ABCB1: variants seen among roughly 807,000 people sequenced by gnomAD.
The protein encoded by ABCB1 is ATP-dependent translocase ABCB1.
A neutral mutation model predicts 142.0 loss-of-function variants in ABCB1; 69 were observed. The ratio of observed to expected loss-of-function variants is 0.49; its 90% CI spans 0.40 to 0.59. The LOEUF (loss-of-function observed/expected upper bound fraction) is 0.59. ABCB1 is among the 20% of genes least tolerant of loss of function. ABCB1 has a pLI of 0.00. For missense variants in ABCB1, 1,326 were observed against 1,554.7 expected (o/e 0.85, Z 2.47); for synonymous variants, 532 against 539.2 (o/e 0.99, Z 0.18).
At chr7:87,573,210 T>C (rs1460357669) in intron 4 of ABCB1, among the ~76,000 whole-genome samples, 1 of 152,180 alleles carries the variant, frequency 6.6e-6, no homozygotes, top group African/African-American at 2.4e-5. Flanking sequence ...GGAACTCCCA[T>C]TAATAAAACC....
At chr7:87,653,576 T>C (rs541035354) in intron 1 of ABCB1, among the ~76,000 whole-genome samples, 25 of 152,294 alleles carry the variant, frequency 1.6e-4, no homozygotes, top group Middle Eastern at 3.4e-3. Context: ...CATCAAGTTA[T>C]TGGACAGGTT....
chr7:87,522,466 C>T, intron 21 of ABCB1: 1 of 552,880 alleles, frequency 1.8e-6, no homozygotes, highest in Non-Finnish European at 3.5e-6. Flanking sequence ...AGAGAAGTGA[C>T]AGGGAAGCTA....
intron 14 of ABCB1, among the ~76,000 whole-genome samples, chr7:87,548,765 GA>G (rs1311629130): frequency 6.6e-6 from 1 of 152,186 alleles, no homozygotes; most frequent in East Asian, 1.9e-4. Flanking sequence ...GCTATTTGGT[GA>G]ATGAGTCATA....
In ABCB1 at chr7:87,626,108, ATATGTGTCATATATATT is replaced by A. The variant is rs1820451407; in HGVS notation, c.-330-25047_-330-25031del. Among the ~76,000 whole-genome samples, 4 of 136,768 alleles carry A rather than the reference ATATGTGTCATATATATT, an allele frequency of 2.9e-5. No homozygotes were observed. The South Asian group carries it at 7.4e-4, about 25-fold the overall frequency. The allele number at this position is 136,768 out of a possible 152,430, so 89.7% of individuals were successfully genotyped here. The stretch of plus-strand genomic sequence containing the variant: ...TATATATATATATATATTGTCATAT[ATATGTGTCATATATATT>A]GTCATATATATGTGTCATATATATT... On this transcript the variant is annotated intron_variant, in intron 1 of 28. Coordinates refer to the ABCB1 transcript ENST00000265724.
intron 23 of ABCB1, among the ~76,000 whole-genome samples, chr7:87,518,052 C>CT (rs954690398): frequency 2.6e-5 from 4 of 152,110 alleles, no homozygotes; most frequent in Non-Finnish European, 5.9e-5. Context: ...TATTAATATG[C>CT]TTTTTTTAAA....
chr7:87,674,373 G>T (rs778496068), intron 1 of ABCB1, among the ~76,000 whole-genome samples: 1 of 152,136 alleles, frequency 6.6e-6, no homozygotes, highest in Non-Finnish European at 1.5e-5. Context: ...CAGGGGTGTG[G>T]TTGCTGGTAT....
intron 3 of ABCB1, among the ~76,000 whole-genome samples, chr7:87,590,157 C>CTAAT (rs1563066207): frequency 6.6e-6 from 1 of 152,140 alleles, no homozygotes; most frequent in Non-Finnish European, 1.5e-5. Flanking sequence ...CTAATAAGGT[C>CTAAT]AGGCTTGGTT....
intron 1 of ABCB1, among the ~76,000 whole-genome samples, chr7:87,691,026 G>A (rs985080142): frequency 3.9e-5 from 6 of 152,124 alleles, no homozygotes; most frequent in African/African-American, 1.2e-4. Flanking sequence ...TATCAATCAC[G>A]ATAGTGATTC....
chr7:87,584,634 G>A (rs1818655438), intron 4 of ABCB1, among the ~76,000 whole-genome samples: 1 of 152,128 alleles, frequency 6.6e-6, no homozygotes. Flanking sequence ...CTTGAGAGCT[G>A]TGTTACATCT....
chr7:87,696,194 A>G (rs995942163), intron 1 of ABCB1, among the ~76,000 whole-genome samples: 4 of 152,192 alleles, frequency 2.6e-5, no homozygotes, highest in Non-Finnish European at 5.9e-5. Flanking sequence ...TAATGACAGC[A>G]TATCTCATCT....
At chr7:87,660,527 G>A (rs778445431) in intron 1 of ABCB1, among the ~76,000 whole-genome samples, 6 of 151,844 alleles carry the variant, frequency 4.0e-5, no homozygotes, top group African/African-American at 9.7e-5. Flanking sequence ...TTTTATGATC[G>A]TTAGTTCCTT....
chr7:87,708,196 C>A (rs114653646), intron 1 of ABCB1, among the ~76,000 whole-genome samples: 3,796 of 151,898 alleles, frequency 0.025, 63 homozygotes, highest in Middle Eastern at 0.066. Flanking sequence ...GAAAATCAAC[C>A]AAACTAAAAG....
chr7:87,561,426 G>A (rs201805118), intron 7 of ABCB1, 39 bp from the exon 8 acceptor site: 10 of 1,563,448 alleles, frequency 6.4e-6, no homozygotes, highest in Middle Eastern at 1.7e-4. Flanking sequence ...AAAAAAACAC[G>A]TTAATTTTAT....
chr7:87,691,572 C>T (rs1828016902), intron 1 of ABCB1, among the ~76,000 whole-genome samples: 2 of 152,112 alleles, frequency 1.3e-5, no homozygotes, highest in African/African-American at 4.8e-5. Flanking sequence ...ATAAGAACCC[C>T]TTCTACAAAC....
intron 3 of ABCB1, among the ~76,000 whole-genome samples, chr7:87,587,648 G>T (rs190287831): frequency 7.2e-5 from 11 of 152,204 alleles, no homozygotes; most frequent in African/African-American, 2.6e-4. Flanking sequence ...AAGGCGGGCA[G>T]ATCACGAGGT....
Position 87,592,782 on chromosome 7 carries a change from T to C in ABCB1, c.117+2984A>G, listed in dbSNP as rs1290151368. 2.6e-5 allele frequency among the ~76,000 whole-genome samples: 4 copies of C among 152,144 alleles called. No homozygotes were observed. The East Asian group carries it at 7.7e-4, about 29-fold the overall frequency. On this transcript the variant is annotated intron_variant, in intron 3 of 27. Coordinates refer to ENST00000622132, the MANE Select transcript of ABCB1 (RefSeq NM_001348946.2). ...ATTATGTCACACAATAAACATAGGG[T>C]ATTTAACAAATGCCTGGTACAAGGG...
intron 1 of ABCB1, among the ~76,000 whole-genome samples, chr7:87,611,156 T>C (rs1431711156): frequency 6.6e-6 from 1 of 152,158 alleles, no homozygotes; most frequent in Admixed American, 6.5e-5. Context: ...TGTTCTCAGG[T>C]TCTATTCCAA....
chr7:87,545,812 AATCAGTTT>A (rs746804586), intron 15 of ABCB1, 43 bp downstream of exon 15: 25 of 1,571,498 alleles, frequency 1.6e-5, no homozygotes, highest in Admixed American at 3.4e-5. Flanking sequence ...TTAAATGCAA[AATCAGTTT>A]ATCACTGAGA....
intron 3 of ABCB1, among the ~76,000 whole-genome samples, chr7:87,588,484 C>T (rs185189638): frequency 3.5e-4 from 54 of 152,258 alleles, no homozygotes; most frequent in South Asian, 6.2e-4. Flanking sequence ...GCCTCCAGCT[C>T]CAGCCATGCC....
Sources: allele counts gnomAD v4.1 joint callset (sites outside exome capture counted in the v4.1 genomes callset), GRCh38; gene constraint gnomAD v4.1.1; transcripts MANE v1.5; gene names NCBI Gene and HGNC (gene_info 2026-07-23, HGNC 2026-07-21).